The following EML4 variants were observed in gnomAD, a reference collection of about 807,000 sequenced individuals.
The protein encoded by EML4 is echinoderm microtubule-associated protein-like 4.
A neutral mutation model predicts 129.0 loss-of-function variants in EML4; 72 were observed. The ratio of observed to expected loss-of-function variants is 0.56; its 90% CI spans 0.46 to 0.68. The LOEUF (loss-of-function observed/expected upper bound fraction) is 0.68. Ranked by LOEUF, EML4 falls within the 30% of genes least tolerant of loss-of-function variation. EML4 has a pLI of 0.00. For missense variants in EML4, 1,363 were observed against 1,190.6 expected (o/e 1.14, Z -2.13); for synonymous variants, 532 against 405.0 (o/e 1.31, Z -3.77).
At chr2:42,234,299 T>G (rs1674525379) in intron 1 of EML4, among the ~76,000 whole-genome samples, 1 of 152,220 alleles carries the variant, frequency 6.6e-6, no homozygotes. Context: ...TGTTGTGAGA[T>G]CTAGAGAGCT....
Position 42,215,304 on chromosome 2 carries a change from C to G in EML4, c.26-30201C>G, listed in dbSNP as rs1028105631. On this transcript the variant is annotated intron_variant, in intron 1 of 22. Coordinates refer to ENST00000318522, the MANE Select transcript of EML4 (RefSeq NM_019063.5). ...TGAACTCCTGGGATCAAGCCTGCCT[C>G]AGCCTCCCAAAGTGCTGGGATTATA... Among the ~76,000 whole-genome samples the G allele has an allele frequency of 5.9e-5, 9 of 152,204 alleles. 1 individual carries two copies. The highest frequency in any genetic ancestry group is 5.9e-4 in the Admixed American group (9 of 15,280).
At chr2:42,209,885 T>C (rs13020836) in intron 1 of EML4, among the ~76,000 whole-genome samples, 45,787 of 152,062 alleles carry the variant, frequency 0.3, 8,094 homozygotes, top group East Asian at 0.57. Context: ...GCCAAGATCA[T>C]GCCATTGCAC....
chr2:42,309,447 A>AAAT (rs1553393058), intron 17 of EML4, among the ~76,000 whole-genome samples: 23 of 142,538 alleles, frequency 1.6e-4, no homozygotes, highest in Non-Finnish European at 2.3e-4. Context: ...AAAAAAAAAA[A>AAAT]TTTTTTTTTT....
At chr2:42,208,999 T>C (rs72978901) in intron 1 of EML4, among the ~76,000 whole-genome samples, 7,290 of 152,250 alleles carry the variant, frequency 0.048, 568 homozygotes, top group African/African-American at 0.16. Flanking sequence ...TCACTTCCTA[T>C]TTCCTTATGG....
chr2:42,238,395 T>C (rs992642079), intron 1 of EML4, among the ~76,000 whole-genome samples: 10 of 152,146 alleles, frequency 6.6e-5, no homozygotes, highest in Non-Finnish European at 2.9e-5. Flanking sequence ...TGGATAGGCA[T>C]AGCTAATCCC....
chr2:42,175,314 T>A (rs1394008612), intron 1 of EML4, among the ~76,000 whole-genome samples: 3 of 150,964 alleles, frequency 2.0e-5, no homozygotes, highest in Non-Finnish European at 4.4e-5. Flanking sequence ...GGGGTTTCAC[T>A]GTGTTAGCCA....
intron 13 of EML4, among the ~76,000 whole-genome samples, chr2:42,299,895 A>G (rs995821601): frequency 6.6e-6 from 1 of 152,170 alleles, no homozygotes; most frequent in Non-Finnish European, 1.5e-5. Context: ...CATGTTGGCC[A>G]GGTTGGTTTC....
intron 1 of EML4, chr2:42,207,946 G>T (rs986092393): frequency 2.0e-5 from 3 of 152,162 alleles, no homozygotes; most frequent in Non-Finnish European, 4.4e-5. Context: ...TGGTAATTGA[G>T]AGTCCTGAAA....
intron 13 of EML4, among the ~76,000 whole-genome samples, chr2:42,299,668 A>C (rs1274196429): frequency 6.6e-6 from 1 of 151,786 alleles, no homozygotes; most frequent in Non-Finnish European, 1.5e-5. Context: ...TGCTTCTTTC[A>C]CTTAGTTTTT....
intron 2 of EML4, among the ~76,000 whole-genome samples, chr2:42,248,038 C>A (rs1272593840): frequency 6.6e-6 from 1 of 152,064 alleles, no homozygotes; most frequent in Non-Finnish European, 1.5e-5. Context: ...TACTCTGTCA[C>A]CCAGGCTCAC....
intron 1 of EML4, among the ~76,000 whole-genome samples, chr2:42,244,065 GTTTTTTTTGTTTTTTGTTTTTTGT>G (rs749013449): frequency 2.1e-5 from 3 of 143,692 alleles, no homozygotes; most frequent in Non-Finnish European, 1.5e-5. Flanking sequence ...AGCAATTAAT[GTTTTTTTTGTTTTTTGTTTTTTGT>G]TTTTGTTTTT....
At chr2:42,275,637 T>C (rs1666615370) in intron 6 of EML4, among the ~76,000 whole-genome samples, 1 of 152,240 alleles carries the variant, frequency 6.6e-6, no homozygotes, top group South Asian at 2.1e-4. Context: ...GACTTAAGAA[T>C]ATTTATGTTG....
intron 2 of EML4, among the ~76,000 whole-genome samples, chr2:42,255,978 C>G (rs998113117): frequency 1.3e-5 from 2 of 152,198 alleles, no homozygotes; most frequent in Admixed American, 6.5e-5. Context: ...GTTGTGTCTT[C>G]TGACCACACT....
intron 11 of EML4, chr2:42,289,008 A>G (rs1667469521): frequency 6.6e-6 from 1 of 152,144 alleles, no homozygotes; most frequent in African/African-American, 2.4e-5. Flanking sequence ...ACATCACATT[A>G]CTCTCCAACT....
At chr2:42,188,097 C>T (rs79752205) in intron 1 of EML4, among the ~76,000 whole-genome samples, 4,945 of 152,204 alleles carry the variant, frequency 0.032, 103 homozygotes, top group Non-Finnish European at 0.051. Context: ...TAGCCTTTTT[C>T]CATTGAATTA....
intron 1 of EML4, among the ~76,000 whole-genome samples, chr2:42,197,705 A>T (rs571873906): frequency 2.0e-4 from 31 of 152,316 alleles, no homozygotes; most frequent in Admixed American, 9.1e-4. Context: ...ATGATCATTT[A>T]TTGGCACTTC....
intron 13 of EML4, 21 bp downstream of exon 13, chr2:42,295,537 A>T (rs2103681854): frequency 6.2e-7 from 1 of 1,601,986 alleles, no homozygotes; most frequent in Non-Finnish European, 8.5e-7. Context: ...CTTATATTAA[A>T]CTCATTTCTG....
intron 1 of EML4, among the ~76,000 whole-genome samples, chr2:42,186,422 T>G (rs13424523): frequency 0.13 from 20,438 of 152,184 alleles, 1,338 homozygotes; most frequent in East Asian, 0.18. Flanking sequence ...TAGGGTAGAT[T>G]ATGGAATTTG....
intron 1 of EML4, among the ~76,000 whole-genome samples, chr2:42,182,035 C>T (rs1670973904): frequency 6.6e-6 from 1 of 151,652 alleles, no homozygotes; most frequent in South Asian, 2.1e-4. Context: ...GTTACTTCCC[C>T]AACAGAAACC....
Sources: gnomAD v4.1 joint callset for allele counts (sites outside exome capture counted in the v4.1 genomes callset) on GRCh38, gnomAD v4.1.1 for gene constraint, MANE v1.5 for transcripts, NCBI Gene and HGNC (gene_info 2026-07-23, HGNC 2026-07-21) for gene names.